The following KCNU1 variants were observed in gnomAD, a reference collection of about 807,000 sequenced individuals.
The protein encoded by KCNU1 is potassium calcium-activated channel subfamily U member 1, also known as potassium channel subfamily U member 1.
In KCNU1, 93 loss-of-function variants were observed where a neutral mutation model predicts 126.8. That is an observed-to-expected ratio of 0.73 (90% confidence interval 0.62 to 0.87). KCNU1 has a LOEUF of 0.87. Among genes scored for constraint, KCNU1 ranks in the 40% least tolerant of loss-of-function variants. KCNU1 has a pLI of 0.00. For synonymous variants in KCNU1, 523 were observed against 494.2 expected (o/e 1.06, Z -0.77); for missense variants, 1,330 against 1,367.1 (o/e 0.97, Z 0.43).
chr8:36,850,991 G>A (rs1805322445), intron 18 of KCNU1, among the ~76,000 whole-genome samples: 1 of 152,132 alleles, frequency 6.6e-6, no homozygotes, highest in Non-Finnish European at 1.5e-5. Flanking sequence ...TAGTTTTGTA[G>A]TAAGTTTGAC....
intron 2 of KCNU1, among the ~76,000 whole-genome samples, chr8:36,798,156 G>A (rs989228940): frequency 6.6e-6 from 1 of 151,998 alleles, no homozygotes; most frequent in Non-Finnish European, 1.5e-5. Flanking sequence ...TCTCTGCAGA[G>A]GCACAATTAC....
chr8:36,892,433 T>C (rs961485126), intron 19 of KCNU1, among the ~76,000 whole-genome samples: 3 of 151,974 alleles, frequency 2.0e-5, no homozygotes, highest in African/African-American at 4.8e-5. Flanking sequence ...ATGGCTCTTA[T>C]AAAATCTTTG....
At chr8:36,877,495 G>C (rs1806318544) in intron 19 of KCNU1, among the ~76,000 whole-genome samples, 1 of 151,980 alleles carries the variant, frequency 6.6e-6, no homozygotes, top group Non-Finnish European at 1.5e-5. Context: ...TAGAGATGGA[G>C]TTTCACCATG....
At position 36,805,458 on chromosome 8, in the gene KCNU1, C is replaced by T. The variant is rs573661797; in HGVS notation, c.468+173C>T. On this transcript the variant is annotated intron_variant, in intron 4 of 26. Transcript: ENST00000399881. ...ATCCCTAAAAACTCTCTCTCCTGCA[C>T]GTGAAACGCTAAACCAGGTTAAAAG... 1.7e-4 allele frequency among the ~76,000 whole-genome samples: 26 copies of T among 152,276 alleles called. 1 individual carries two copies. Among genetic ancestry groups the T allele is most frequent in the South Asian group, 6.2e-4 (3 of 4,826 alleles).
chr8:36,852,502 T>G (rs926209491), intron 18 of KCNU1, among the ~76,000 whole-genome samples: 2 of 152,136 alleles, frequency 1.3e-5, no homozygotes, highest in African/African-American at 2.4e-5. Context: ...GGGCCTAACT[T>G]AACATTTTTT....
intron 23 of KCNU1, among the ~76,000 whole-genome samples, chr8:36,922,172 C>A (rs556588529): frequency 2.0e-5 from 3 of 152,150 alleles, no homozygotes; most frequent in Non-Finnish European, 4.4e-5. Context: ...CCCTTTTGCT[C>A]CCCCAAAATA....
At chr8:36,830,738 G>T (rs1462726208) in intron 10 of KCNU1, among the ~76,000 whole-genome samples, 2 of 150,930 alleles carry the variant, frequency 1.3e-5, no homozygotes, top group African/African-American at 4.9e-5. Flanking sequence ...TGTTTTGAGA[G>T]ATTTTTTTCT....
At chr8:36,921,535 C>T (rs543165460) in intron 23 of KCNU1, among the ~76,000 whole-genome samples, 4 of 151,770 alleles carry the variant, frequency 2.6e-5, no homozygotes, top group Admixed American at 6.6e-5. Context: ...AAAAATTAGC[C>T]GGACATGGTG....
chr8:36,815,811 G>T lies in KCNU1; in HGVS notation c.995+124G>T, dbSNP rs566160175. 5.0e-6 allele frequency: 3 copies of T among 599,010 alleles called. No homozygotes were observed. The East Asian group carries it at 9.4e-5, about 19-fold the overall frequency. The allele number at this position is 599,010 out of a possible 1,614,324, so 37.1% of individuals were successfully genotyped here. On this transcript the variant is annotated intron_variant, in intron 9 of 26. Transcript: ENST00000399881. ...AAGGTGAATATATCAGCAACATCCC[G>T]TATTCACTAAAAAGGACTGTGCTAA... is the stretch of plus-strand genomic sequence containing the variant.
intron 7 of KCNU1, among the ~76,000 whole-genome samples, chr8:36,812,378 C>CAA (rs765551359): frequency 0.033 from 2,720 of 83,504 alleles, 185 homozygotes; most frequent in East Asian, 0.3. Flanking sequence ...AGACTCCTCT[C>CAA]AAAAAAAAAA....
At chr8:36,841,874 T>C (rs1469251805) in intron 16 of KCNU1, among the ~76,000 whole-genome samples, 1 of 150,938 alleles carries the variant, frequency 6.6e-6, no homozygotes, top group Non-Finnish European at 1.5e-5. Context: ...TATCACATAA[T>C]GCAAAATAAA....
chr8:36,849,201 A>C (rs1054045526), intron 18 of KCNU1, among the ~76,000 whole-genome samples: 4 of 152,030 alleles, frequency 2.6e-5, no homozygotes, highest in Non-Finnish European at 4.4e-5. Context: ...TTCACACACA[A>C]AAAAAACAAA....
At chr8:36,856,312 C>G (rs777789463) in intron 18 of KCNU1, among the ~76,000 whole-genome samples, 8 of 152,100 alleles carry the variant, frequency 5.3e-5, no homozygotes, top group Non-Finnish European at 1.0e-4. Context: ...CTGTGTATAG[C>G]TCATGCTTTC....
intron 18 of KCNU1, among the ~76,000 whole-genome samples, chr8:36,848,249 C>T (rs1234030359): frequency 2.0e-5 from 3 of 152,196 alleles, no homozygotes; most frequent in East Asian, 3.8e-4. Context: ...ACAGATGTCT[C>T]TTCCGTCTGT....
chr8:36,800,751 C>A (rs969895573), intron 2 of KCNU1, among the ~76,000 whole-genome samples: 4 of 152,216 alleles, frequency 2.6e-5, no homozygotes, highest in African/African-American at 9.6e-5. Context: ...CAGTGTCAGT[C>A]AGAGCCCTGG....
In KCNU1 at chr8:36,910,896, G is replaced by A. The variant is rs115938875; in HGVS notation, c.2332-34G>A. ...GCCATGATATAACATCCCTCCATCC[G>A]ACCAGTGCCTCCTCTCTCTTTTCCT... On this transcript the variant is annotated intron_variant, in intron 21 of 26. Coordinates refer to ENST00000399881, the MANE Select transcript of KCNU1 (RefSeq NM_001031836.3). The A allele has an allele frequency of 5.2e-3, 7,693 of 1,466,486 alleles. 334 individuals carry two copies. In the African/African-American group the frequency reaches 0.094, roughly 18 times the overall value. The allele number at this position is 1,466,486 out of a possible 1,614,324, so 90.8% of individuals were successfully genotyped here.
chr8:36,824,749 G>A (rs1422937792), intron 10 of KCNU1, among the ~76,000 whole-genome samples: 1 of 151,638 alleles, frequency 6.6e-6, no homozygotes, highest in Non-Finnish European at 1.5e-5. Context: ...TGTATAAATG[G>A]AATATAAATT....
chr8:36,847,994 T>C (rs577338793), intron 18 of KCNU1, among the ~76,000 whole-genome samples: 36 of 152,338 alleles, frequency 2.4e-4, no homozygotes, highest in African/African-American at 8.4e-4. Flanking sequence ...GTTTTTTGTC[T>C]TTTTCATGAT....
chr8:36,908,019 C>T (rs967970045), intron 20 of KCNU1, among the ~76,000 whole-genome samples: 3 of 151,766 alleles, frequency 2.0e-5, no homozygotes, highest in Admixed American at 1.3e-4. Context: ...AAATTGAGAA[C>T]CAGAGAGGTT....
Sources: allele counts gnomAD v4.1 joint callset (sites outside exome capture counted in the v4.1 genomes callset), GRCh38; gene constraint gnomAD v4.1.1; transcripts MANE v1.5; gene names NCBI Gene and HGNC (gene_info 2026-07-23, HGNC 2026-07-21).